Variants in FER1L6 observed in about 807,000 individuals in gnomAD.
FER1L6 encodes the protein fer-1 like family member 6, also known as fer-1-like protein 6.
FER1L6 carries 177 observed loss-of-function variants against 219.2 expected under a neutral mutation model. That is an observed-to-expected ratio of 0.81 (90% CI 0.71 to 0.91). FER1L6 has a LOEUF of 0.91. Among genes scored for constraint, FER1L6 ranks in the 40% least tolerant of loss-of-function variants. The pLI is 0.00. For missense variants in FER1L6, 2,153 were observed against 2,259.9 expected, an observed-to-expected ratio of 0.95 and a Z score of 0.96; for synonymous variants, 768 against 824.3, an observed-to-expected ratio of 0.93 and a Z score of 1.17.
intron 9 of FER1L6, 122 bp downstream of exon 9, chr8:123,976,206 C>A: frequency 1.2e-6 from 1 of 852,220 alleles, no homozygotes; most frequent in Non-Finnish European, 1.8e-6. Context: ...AAGCTTGTTA[C>A]AAAAAGGCAA....
chr8:123,855,738 ATGTGTGTATGTGTGTATATATATG>A (rs1438584395), intron 1 of FER1L6, among the ~76,000 whole-genome samples: 4 of 146,262 alleles, frequency 2.7e-5, no homozygotes, highest in African/African-American at 1.0e-4. Context: ...TATACGTAAT[ATGTGTGTATGTGTGTATATATATG>A]TGTGTGTATA....
intron 1 of FER1L6, among the ~76,000 whole-genome samples, chr8:123,895,649 G>A (rs560358918): frequency 3.8e-4 from 58 of 152,246 alleles, no homozygotes; most frequent in African/African-American, 1.2e-3. Flanking sequence ...GTGAGTCAGC[G>A]AGTAACTTGT....
intron 34 of FER1L6, among the ~76,000 whole-genome samples, chr8:124,092,822 G>A (rs1822094524): frequency 6.6e-6 from 1 of 150,496 alleles, no homozygotes; most frequent in African/African-American, 2.4e-5. Context: ...GCCAGAGCAG[G>A]ACGAAGAGAG....
At position 123,852,602 on chromosome 8, in the gene FER1L6, G is replaced by A. The variant is rs191392682; in HGVS notation, c.-8+417G>A. ...AAAAAGCATGAGGAAGTTGCCTCAG[G>A]AACTCATAGAAAATGTGGGGCCTCT... is the stretch of plus-strand genomic sequence containing the variant. On this transcript the variant is annotated intron_variant, in intron 1 of 40. Coordinates refer to ENST00000522917, the MANE Select transcript of FER1L6 (RefSeq NM_001039112.2). This position sits in a 1 kb window ranked among gnomAD's most constrained non-coding sequence, Gnocchi z 4.9. 6.2e-4 allele frequency among the ~76,000 whole-genome samples: 94 copies of A among 151,932 alleles called. 2 individuals carry two copies. The highest frequency in any genetic ancestry group is 2.1e-4 in the Non-Finnish European group (14 of 67,978).
At position 123,976,074 on chromosome 8, in the gene FER1L6, C is replaced by T. The variant is rs1197864489; in HGVS notation, c.860C>T (p.Ala287Val). 6.2e-7 allele frequency: 1 copy of T among 1,611,304 alleles called. No homozygotes were observed. The highest frequency in any genetic ancestry group is 8.5e-7 in the Non-Finnish European group (1 of 1,178,640). ...LVDPFVEVSF[A>V]GQMGRTTVQK... The stretch of plus-strand genomic sequence containing the variant: ...GATCCCTTTGTGGAGGTCTCCTTTG[C>T]TGGGCAGATGGTGAGGAACCATTGT... The change falls in exon 9 of 41, where the codon GCT becomes GTT. Residue 287 changes from alanine to valine, a missense_variant. Coordinates refer to ENST00000522917, the MANE Select transcript of FER1L6 (RefSeq NM_001039112.2).
In FER1L6 at chr8:124,011,311, G is replaced by A. The variant is rs973953033; in HGVS notation, c.1821+597G>A. On this transcript the variant is annotated intron_variant, in intron 14 of 40. Coordinates refer to ENST00000522917, the MANE Select transcript of FER1L6 (RefSeq NM_001039112.2). The stretch of plus-strand genomic sequence containing the variant: ...CAGTTTCAGACTTCCTCAGGGAAGA[G>A]TCTGACACCTTCTACCCCCTTATCT... Among the ~76,000 whole-genome samples the A allele has an allele frequency of 2.0e-5, 3 of 152,258 alleles. No homozygotes were observed. In the South Asian group the frequency reaches 6.2e-4, roughly 32 times the overall value.
intron 1 of FER1L6, among the ~76,000 whole-genome samples, chr8:123,924,516 G>A (rs1367508286): frequency 1.4e-5 from 2 of 145,270 alleles, no homozygotes; most frequent in Non-Finnish European, 1.5e-5. Context: ...CCCGGGTAAC[G>A]AGACTGAAAC....
chr8:124,031,606 T>C (rs1255557059), intron 18 of FER1L6, among the ~76,000 whole-genome samples: 1 of 152,216 alleles, frequency 6.6e-6, no homozygotes, highest in Non-Finnish European at 1.5e-5. Context: ...TTAGGTTTTA[T>C]AGCTGGCTTT....
intron 1 of FER1L6, among the ~76,000 whole-genome samples, chr8:123,945,262 C>T (rs1306692300): frequency 6.6e-6 from 1 of 152,184 alleles, no homozygotes; most frequent in Non-Finnish European, 1.5e-5. Context: ...GATAGTGACT[C>T]CTGGAGAAGT....
intron 33 of FER1L6, among the ~76,000 whole-genome samples, chr8:124,085,738 T>C (rs1276844381): frequency 3.3e-5 from 5 of 152,208 alleles, no homozygotes; most frequent in South Asian, 2.1e-4. Flanking sequence ...ATCAGGTCCA[T>C]TTGGTCTATA....
intron 1 of FER1L6, among the ~76,000 whole-genome samples, chr8:123,934,138 TCTCA>T (rs1471607405): frequency 6.6e-6 from 1 of 152,194 alleles, no homozygotes; most frequent in Non-Finnish European, 1.5e-5. Flanking sequence ...TGAGACCAAG[TCTCA>T]CTCTGTCACC....
rs747858332 is a variant in FER1L6 at position 123,963,243 on chromosome 8, T to G, written c.77-35T>G. 1.9e-6 allele frequency: 3 copies of G among 1,612,228 alleles called. No individual in the cohort carries two copies. In the African/African-American group the frequency reaches 4.0e-5, roughly 22 times the overall value. ...GGCTCGATTGCCACCACATGTCAATTTCACAGGATTTTCTTCCTTTGTTTG... is the reference window on the plus strand; with the variant it reads ...GGCTCGATTGCCACCACATGTCAATGTCACAGGATTTTCTTCCTTTGTTTG... On this transcript the variant is annotated intron_variant, in intron 2 of 40. Transcript: ENST00000522917.
intron 1 of FER1L6, among the ~76,000 whole-genome samples, chr8:123,934,037 T>A (rs565146469): frequency 1.3e-5 from 2 of 152,152 alleles, no homozygotes; most frequent in African/African-American, 4.8e-5. Flanking sequence ...TATTCATCAT[T>A]TCCTAAGAAC....
At chr8:123,876,944 C>T (rs1223208431) in intron 1 of FER1L6, among the ~76,000 whole-genome samples, 1 of 152,226 alleles carries the variant, frequency 6.6e-6, no homozygotes, top group Non-Finnish European at 1.5e-5. Context: ...TACCTAACCC[C>T]ATACCTGCTA....
At chr8:123,998,385 T>C (rs1817243029) in intron 12 of FER1L6, among the ~76,000 whole-genome samples, 1 of 134,384 alleles carries the variant, frequency 7.4e-6, no homozygotes, top group Non-Finnish European at 1.5e-5. Flanking sequence ...TCTCTCTCTC[T>C]CTCTCTCTCT....
intron 1 of FER1L6, among the ~76,000 whole-genome samples, chr8:123,899,735 C>T (rs2129729016): frequency 6.6e-6 from 1 of 152,214 alleles, no homozygotes; most frequent in African/African-American, 2.4e-5. Context: ...GCCAATTATC[C>T]CAGCACCATT....
At chr8:123,957,367 G>T (rs981050552) in intron 2 of FER1L6, among the ~76,000 whole-genome samples, 1 of 152,158 alleles carries the variant, frequency 6.6e-6, no homozygotes, top group Non-Finnish European at 1.5e-5. Context: ...GGGAGTGGGT[G>T]GAAAGGCTTT....
At position 124,049,647 on chromosome 8, in the gene FER1L6, T is replaced by C. The variant is rs1451887615; in HGVS notation, c.2765T>C (p.Val922Ala). ...TTGGGTGCCACAGTGGCTGCTCCTGTTGTGAAGCTGGCTGACCAGGACTAT... is the reference window on the plus strand; with the variant it reads ...TTGGGTGCCACAGTGGCTGCTCCTGCTGTGAAGCTGGCTGACCAGGACTAT... Reference protein sequence around the residue: ...EYLGATVAAPVVKLADQDYEP... With the variant: ...EYLGATVAAPAVKLADQDYEP... The change falls in exon 22 of 41, where the codon GTT (valine) becomes GCT (alanine). Residue 922 changes from valine (V) to alanine (A), a missense_variant. Physicochemically the swap from Val to Ala is moderately conservative, Grantham distance 64. Coordinates refer to ENST00000522917, the MANE Select transcript of FER1L6 (RefSeq NM_001039112.2). 7 of 1,614,016 alleles carry C rather than the reference T, an allele frequency of 4.3e-6. No homozygotes were observed. In the Admixed American group the frequency reaches 1.2e-4, roughly 27 times the overall value.
intron 1 of FER1L6, among the ~76,000 whole-genome samples, chr8:123,927,232 C>A (rs1249352513): frequency 6.6e-6 from 1 of 151,382 alleles, no homozygotes; most frequent in Non-Finnish European, 1.5e-5. Flanking sequence ...TCAGATAGCT[C>A]AACAAGAATC....
Sources: gnomAD v4.1 joint callset for allele counts (sites outside exome capture counted in the v4.1 genomes callset) on GRCh38, gnomAD v4.1.1 for gene constraint, Gnocchi (gnomAD v3.1) non-coding constraint, MANE v1.5 for transcripts, NCBI Gene and HGNC (gene_info 2026-07-23, HGNC 2026-07-21) for gene names.